Variants in ACOXL observed in about 807,000 individuals in gnomAD.
The protein encoded by ACOXL is acyl-coenzyme A oxidase-like protein.
ACOXL carries 70 observed loss-of-function variants against 71.9 expected under a neutral mutation model. The ratio of observed to expected loss-of-function variants is 0.97; its 90% CI spans 0.80 to 1.19. The LOEUF is 1.19. Among genes scored for constraint, ACOXL ranks in the 50% most tolerant of loss-of-function variants. ACOXL has a pLI of 0.00. For missense variants in ACOXL, 703 were observed against 736.3 expected (o/e 0.95, Z 0.52); for synonymous variants, 253 against 281.6 (o/e 0.90, Z 1.02).
intron 12 of ACOXL, among the ~76,000 whole-genome samples, chr2:110,979,166 T>A (rs891590663): frequency 6.6e-6 from 1 of 152,178 alleles, no homozygotes; most frequent in African/African-American, 2.4e-5. Context: ...ACCCAGTCAC[T>A]ACTGGGGTTA....
chr2:110,993,145 G>T (rs1226931292), intron 13 of ACOXL, among the ~76,000 whole-genome samples: 4 of 152,172 alleles, frequency 2.6e-5, no homozygotes, highest in African/African-American at 9.7e-5. Flanking sequence ...TTTAGTTATA[G>T]TTCTTCTTAT....
intron 2 of ACOXL, among the ~76,000 whole-genome samples, chr2:110,769,139 A>G (rs1402333874): frequency 6.6e-6 from 1 of 152,126 alleles, no homozygotes; most frequent in African/African-American, 2.4e-5. Flanking sequence ...AAAGTACTTT[A>G]GACTTATCCA....
chr2:111,108,010 T>C (rs2069664180), intron 17 of ACOXL, among the ~76,000 whole-genome samples: 1 of 152,202 alleles, frequency 6.6e-6, no homozygotes, highest in Non-Finnish European at 1.5e-5. Flanking sequence ...CTTTCTAATC[T>C]TTGCTGGCTT....
chr2:110,953,295 CTTG>C (rs72227724), intron 12 of ACOXL, among the ~76,000 whole-genome samples: 17,138 of 151,016 alleles, frequency 0.11, 1,149 homozygotes, highest in East Asian at 0.27. Flanking sequence ...AGTCACAGTT[CTTG>C]TTGTTGTTAT....
At chr2:110,884,580 A>G (rs186357694) in intron 10 of ACOXL, among the ~76,000 whole-genome samples, 81 of 152,332 alleles carry the variant, frequency 5.3e-4, no homozygotes, top group African/African-American at 1.9e-3. Context: ...TAGGTACTGC[A>G]TGATTCTATT....
At chr2:110,801,756 G>T in intron 8 of ACOXL, 32 bp downstream of exon 8, 1 of 1,593,796 alleles carries the variant, frequency 6.3e-7, no homozygotes, top group Non-Finnish European at 8.6e-7. Context: ...CAGGTCAATG[G>T]TGCAGATGAT....
intron 9 of ACOXL, among the ~76,000 whole-genome samples, chr2:110,829,417 G>A (rs78478620): frequency 0.016 from 2,450 of 152,234 alleles, 21 homozygotes; most frequent in South Asian, 0.032. Context: ...GTTACTCCTC[G>A]GGAAGTTGGT....
intron 16 of ACOXL, among the ~76,000 whole-genome samples, chr2:111,080,230 C>T (rs1300166236): frequency 6.6e-6 from 1 of 152,178 alleles, no homozygotes; most frequent in East Asian, 1.9e-4. Context: ...CAGCTCTGCT[C>T]TGATCTTAGT....
chr2:110,785,187 C>T (rs1411653389), intron 3 of ACOXL, among the ~76,000 whole-genome samples: 1 of 152,058 alleles, frequency 6.6e-6, no homozygotes, highest in Non-Finnish European at 1.5e-5. Flanking sequence ...AAAACCTTTT[C>T]ATTTTGAAAT....
intron 3 of ACOXL, among the ~76,000 whole-genome samples, chr2:110,785,440 C>T (rs1328951510): frequency 1.3e-5 from 2 of 150,892 alleles, no homozygotes; most frequent in Non-Finnish European, 3.0e-5. Context: ...TTCATGTAAC[C>T]ACCACCACAA....
chr2:111,043,794 G>A (rs1330311712), intron 15 of ACOXL, among the ~76,000 whole-genome samples: 1 of 152,170 alleles, frequency 6.6e-6, no homozygotes, highest in Non-Finnish European at 1.5e-5. Flanking sequence ...GTCCATGGAG[G>A]GGTAGGTGTC....
At chr2:110,912,001 A>G (rs2059667361) in intron 11 of ACOXL, among the ~76,000 whole-genome samples, 1 of 152,100 alleles carries the variant, frequency 6.6e-6, no homozygotes, top group South Asian at 2.1e-4. Context: ...TGACATGTTC[A>G]GCAAGACTGC....
chr2:110,801,588 C>T, intron 7 of ACOXL, 64 bp from the exon 8 acceptor site: 1 of 1,438,080 alleles, frequency 7.0e-7, no homozygotes, highest in Non-Finnish European at 9.8e-7. Context: ...TGGCGACAGG[C>T]CTGGGAAGTA....
At chr2:111,115,082 CTTT>C (rs946069382) in intron 17 of ACOXL, among the ~76,000 whole-genome samples, 1 of 152,092 alleles carries the variant, frequency 6.6e-6, no homozygotes, top group Non-Finnish European at 1.5e-5. Flanking sequence ...CTTGTTCATA[CTTT>C]TTTATTTTTA....
At chr2:111,021,764 A>G (rs1240998235) in intron 14 of ACOXL, among the ~76,000 whole-genome samples, 1 of 152,174 alleles carries the variant, frequency 6.6e-6, no homozygotes, top group Admixed American at 6.5e-5. Flanking sequence ...AAGTTGAGAC[A>G]CTTGAATTAA....
At chr2:111,043,005 AGT>A (rs1357080335) in intron 15 of ACOXL, among the ~76,000 whole-genome samples, 1 of 152,212 alleles carries the variant, frequency 6.6e-6, no homozygotes, top group Non-Finnish European at 1.5e-5. Flanking sequence ...CTGAGATCCC[AGT>A]GTTCGGAGCA....
intron 11 of ACOXL, among the ~76,000 whole-genome samples, chr2:110,928,186 G>T (rs1342131602): frequency 6.6e-6 from 1 of 152,162 alleles, no homozygotes; most frequent in African/African-American, 2.4e-5. Flanking sequence ...ACCTGTAAGG[G>T]TAAAATTAAG....
At chr2:110,796,822 A>T (rs1008875745) in intron 5 of ACOXL, among the ~76,000 whole-genome samples, 1 of 152,164 alleles carries the variant, frequency 6.6e-6, no homozygotes, top group African/African-American at 2.4e-5. Context: ...CACAAGTTAA[A>T]AGTTTCCCTG....
intron 10 of ACOXL, among the ~76,000 whole-genome samples, chr2:110,883,779 C>T (rs1696961781): frequency 6.6e-6 from 1 of 152,078 alleles, no homozygotes; most frequent in Admixed American, 6.5e-5. Flanking sequence ...GAAAATTGTT[C>T]ATACATGCTG....
Sources: gnomAD v4.1 joint callset for allele counts (sites outside exome capture counted in the v4.1 genomes callset) on GRCh38, gnomAD v4.1.1 for gene constraint, MANE v1.5 for transcripts, NCBI Gene and HGNC (gene_info 2026-07-23, HGNC 2026-07-21) for gene names.